The following PCDHGA5 variants were observed in gnomAD, a reference collection of about 807,000 sequenced individuals.
PCDHGA5 encodes the protein protocadherin gamma subfamily A, 5.
PCDHGA5 carries 36 observed loss-of-function variants against 56.7 expected under a neutral mutation model. The ratio of observed to expected loss-of-function variants is 0.64; its 90% CI spans 0.49 to 0.84. The LOEUF (loss-of-function observed/expected upper bound fraction) is 0.84. Among genes scored for constraint, PCDHGA5 ranks in the 40% least tolerant of loss-of-function variants. The pLI is 0.00. For missense variants in PCDHGA5, 1,305 were observed against 1,201.5 expected, an observed-to-expected ratio of 1.09 and a Z score of -1.27; for synonymous variants, 563 against 520.2, an observed-to-expected ratio of 1.08 and a Z score of -1.12.
chr5:141,419,773 C>CAG, intron 1 of PCDHGA5: 1 of 1,614,034 alleles, frequency 6.2e-7, no homozygotes, highest in Non-Finnish European at 8.5e-7. Flanking sequence ...AGGACTCGGT[C>CAG]CGCCAGCGCC....
rs373558342 is a variant in PCDHGA5 at position 141,374,559 on chromosome 5, A to C, written c.2421+7808A>C. 1.1e-4 allele frequency: 170 copies of C among 1,613,544 alleles called. No homozygotes were observed. The highest frequency in any genetic ancestry group is 1.3e-4 in the Non-Finnish European group (153 of 1,179,694). ...CGTTTTCCACTAATGGAGGTCTATG[A>C]CCCTGATGTGGGAATGAACTCCCTT... is the stretch of plus-strand genomic sequence containing the variant. On this transcript the variant is annotated intron_variant, in intron 1 of 3. Coordinates refer to ENST00000518069, the MANE Select transcript of PCDHGA5 (RefSeq NM_018918.3).
intron 1 of PCDHGA5, among the ~76,000 whole-genome samples, chr5:141,381,404 T>A (rs78789599): frequency 5.8e-4 from 89 of 152,360 alleles, no homozygotes; most frequent in African/African-American, 2.0e-3. Context: ...TCTATCAACA[T>A]CAGTGGAGAG....
intron 1 of PCDHGA5, chr5:141,418,431 A>T (rs751083183): frequency 1.9e-6 from 3 of 1,614,000 alleles, no homozygotes; most frequent in East Asian, 2.2e-5. Flanking sequence ...GGTGGCAAAT[A>T]TCCAGAATTA....
rs762312563 is a variant in PCDHGA5 at position 141,493,182 on chromosome 5, A to G, written c.2422-1625A>G. Among the ~76,000 whole-genome samples, 1 of 152,232 alleles carries G rather than the reference A, an allele frequency of 6.6e-6. No homozygotes were observed. The highest frequency in any genetic ancestry group is 2.4e-5 in the African/African-American group (1 of 41,460). The stretch of plus-strand genomic sequence containing the variant: ...TAGCTGATTGAGAGAAACTTACTAT[A>G]TAACTCCTTTGAGAACCTCATCTCA... On this transcript the variant is annotated intron_variant, in intron 1 of 3. Coordinates refer to ENST00000518069, the MANE Select transcript of PCDHGA5 (RefSeq NM_018918.3). The surrounding 1 kb of genome is among the most constrained non-coding windows in gnomAD (Gnocchi z 4.3).
intron 1 of PCDHGA5, among the ~76,000 whole-genome samples, chr5:141,425,428 T>C (rs1037803701): frequency 1.3e-5 from 2 of 152,238 alleles, no homozygotes; most frequent in African/African-American, 4.8e-5. Context: ...TCCCATTAAA[T>C]AGAGGATAAA....
chr5:141,417,701 C>T (rs1382264857), intron 1 of PCDHGA5: 1 of 1,192,516 alleles, frequency 8.4e-7, no homozygotes, highest in Admixed American at 3.0e-5. Flanking sequence ...CCAGCTCCCA[C>T]ACAGAGGCTC....
chr5:141,414,686 C>G, intron 1 of PCDHGA5: 4 of 1,614,042 alleles, frequency 2.5e-6, no homozygotes, highest in Non-Finnish European at 3.4e-6. Flanking sequence ...CAGGGGGTAC[C>G]TCTGTCCTCA....
rs767425379 is a variant in PCDHGA5, at chr5:141,403,635, T to C, written c.2421+36884T>C. 1.1e-5 allele frequency: 18 copies of C among 1,613,902 alleles called. No individual in the cohort carries two copies. The South Asian group carries it at 1.8e-4, about 16-fold the overall frequency. On this transcript the variant is annotated intron_variant, in intron 1 of 3. Transcript: ENST00000518069. ...CCGCGTCGCTCCAGCACAGTGCGCA[T>C]CCATGTGACAGTGTTGGATACAAAT... is the stretch of plus-strand genomic sequence containing the variant.
At chr5:141,460,455 A>G (rs1021070289) in intron 1 of PCDHGA5, among the ~76,000 whole-genome samples, 2 of 152,080 alleles carry the variant, frequency 1.3e-5, no homozygotes, top group African/African-American at 4.8e-5. Context: ...GAAGATTCAT[A>G]TTTTTTTCCA....
At chr5:141,418,479 C>G (rs375821205) in intron 1 of PCDHGA5, 3 of 1,614,010 alleles carry the variant, frequency 1.9e-6, no homozygotes, top group Non-Finnish European at 1.7e-6. Context: ...ACGCAGAGCG[C>G]TCACCACTTG....
At chr5:141,387,533 C>A (rs2090979640) in intron 1 of PCDHGA5, among the ~76,000 whole-genome samples, 1 of 152,192 alleles carries the variant, frequency 6.6e-6, no homozygotes, top group African/African-American at 2.4e-5. Flanking sequence ...GACGTATCCA[C>A]GTAGTTTTTG....
chr5:141,485,726 C>G lies in PCDHGA5; in HGVS notation c.2422-9081C>G. On this transcript the variant is annotated intron_variant, in intron 1 of 3. Transcript: ENST00000518069. The surrounding 1 kb of genome is among the most constrained non-coding windows in gnomAD (Gnocchi z 5.7). ...ACACTTTGCACTGGATGTGAAGAAG[C>G]GCAGCGACGGCAGCCTGGTCCCAGA... 2 of 1,614,140 alleles carry G rather than the reference C, an allele frequency of 1.2e-6. No individual in the cohort carries two copies. The highest frequency in any genetic ancestry group is 1.1e-5 in the South Asian group (1 of 91,082).
In PCDHGA5 at chr5:141,385,180, G is replaced by A. The variant is rs200338637; in HGVS notation, c.2421+18429G>A. On this transcript the variant is annotated intron_variant, in intron 1 of 3. Coordinates refer to ENST00000518069, the MANE Select transcript of PCDHGA5 (RefSeq NM_018918.3). ...CTATTCCCATGAGGTCTCCCTCACC[G>A]CGGACTCTCGGAAGAGTCACCTGAT... The A allele has an allele frequency of 2.4e-4, 390 of 1,614,178 alleles. 1 individual carries two copies. The highest frequency in any genetic ancestry group is 3.1e-4 in the Non-Finnish European group (365 of 1,180,034).
intron 1 of PCDHGA5, 35 bp downstream of exon 1, chr5:141,366,786 AT>A (rs770117730): frequency 6.3e-7 from 1 of 1,575,572 alleles, no homozygotes; most frequent in Non-Finnish European, 8.6e-7. Flanking sequence ...TGACCAGAAC[AT>A]TTTCATTTGT....
At chr5:141,419,939 G>GTGGCCT (rs780963377) in intron 1 of PCDHGA5, 3 of 1,614,054 alleles carry the variant, frequency 1.9e-6, no homozygotes, top group Admixed American at 1.7e-5. Flanking sequence ...TTACCTGGTG[G>GTGGCCT]TGGCCTTGGC....
At chr5:141,452,490 C>A (rs2098742307) in intron 1 of PCDHGA5, among the ~76,000 whole-genome samples, 1 of 152,188 alleles carries the variant, frequency 6.6e-6, no homozygotes, top group East Asian at 1.9e-4. Flanking sequence ...TAAACACACC[C>A]ATATTTATAT....
Position 141,420,177 on chromosome 5 carries a change from A to G in PCDHGA5, c.2421+53426A>G, listed in dbSNP as rs1188698450. The G allele has an allele frequency of 2.5e-6, 4 of 1,613,992 alleles. No homozygotes were observed. Among genetic ancestry groups the G allele is most frequent in the South Asian group, 2.2e-5 (2 of 91,086 alleles). ...TTTAATTTTTTCACATCTGTTGATC[A>G]TTGTCCAGCCACACAAGATAACCTC... On this transcript the variant is annotated intron_variant, in intron 1 of 3. Coordinates refer to ENST00000518069, the MANE Select transcript of PCDHGA5 (RefSeq NM_018918.3).
chr5:141,437,444 G>A (rs957088733), intron 1 of PCDHGA5, among the ~76,000 whole-genome samples: 26 of 152,212 alleles, frequency 1.7e-4, no homozygotes, highest in Admixed American at 2.0e-4. Context: ...GCATAGGAAT[G>A]TTGAGGAGAC....
chr5:141,372,498 C>T, intron 1 of PCDHGA5: 1 of 1,614,054 alleles, frequency 6.2e-7, no homozygotes, highest in Non-Finnish European at 8.5e-7. Flanking sequence ...GATCTCAGTG[C>T]TCTTCCTCCT....
Sources: allele counts gnomAD v4.1 joint callset (sites outside exome capture counted in the v4.1 genomes callset), GRCh38; gene constraint gnomAD v4.1.1; non-coding constraint Gnocchi (gnomAD v3.1); transcripts MANE v1.5; gene names NCBI Gene and HGNC (gene_info 2026-07-23, HGNC 2026-07-21).